Variants in MYT1L observed in about 807,000 individuals in gnomAD.
MYT1L encodes the protein myelin transcription factor 1 like, also known as myelin transcription factor 1-like protein.
Under a neutral mutation model 126.7 loss-of-function variants are expected in MYT1L, and 12 were observed. The ratio of observed to expected loss-of-function variants is 0.09; its 90% CI spans 0.06 to 0.15. The LOEUF (loss-of-function observed/expected upper bound fraction) is 0.15. MYT1L is among the 10% of genes least tolerant of loss of function. The probability of loss-of-function intolerance (pLI) is 1.00; values close to 1 mark genes in which losing one functional copy is unlikely to be tolerated. For synonymous variants in MYT1L, 541 were observed against 604.2 expected (o/e 0.90, Z 1.53); for missense variants, 979 against 1,585.2 (o/e 0.62, Z 6.49).
intron 18 of MYT1L, among the ~76,000 whole-genome samples, chr2:1,880,350 CT>C (rs2047375785): frequency 6.6e-6 from 1 of 152,128 alleles, no homozygotes; most frequent in Non-Finnish European, 1.5e-5. Flanking sequence ...TTTATTTTTA[CT>C]TTTCGAGACA....
intron 3 of MYT1L, among the ~76,000 whole-genome samples, chr2:2,107,932 C>G (rs538636708): frequency 6.6e-6 from 1 of 152,108 alleles, no homozygotes; most frequent in Non-Finnish European, 1.5e-5. Context: ...CAGAACCCAA[C>G]GCTCAGCTCT....
At chr2:2,060,226 G>C (rs777463135) in intron 3 of MYT1L, among the ~76,000 whole-genome samples, 1 of 152,108 alleles carries the variant, frequency 6.6e-6, no homozygotes, top group Non-Finnish European at 1.5e-5. Context: ...AGGAACTTAG[G>C]CCATTTCCTC....
At chr2:2,004,731 C>A (rs182831002) in intron 4 of MYT1L, among the ~76,000 whole-genome samples, 2 of 146,744 alleles carry the variant, frequency 1.4e-5, no homozygotes, top group Admixed American at 6.7e-5. Flanking sequence ...TTCTTTCCTG[C>A]GTGCCTTCTT....
At chr2:2,265,549 C>T (rs11681765) in intron 2 of MYT1L, among the ~76,000 whole-genome samples, 18,277 of 152,070 alleles carry the variant, frequency 0.12, 1,245 homozygotes, top group Non-Finnish European at 0.16. Context: ...GGGGACCAGG[C>T]GGGCCTTCCT....
rs1573597325 is a variant in MYT1L, at chr2:1,922,396, C to T, written c.1373G>A (p.Arg458Lys). The change falls in exon 10 of 25, where the codon AGG becomes AAG. Residue 458 changes from arginine (R) to lysine (K), a missense_variant. Physicochemically the swap from Arg to Lys is conservative, Grantham distance 26. Around this residue, in one of 12 missense-constraint regions of MYT1L, gnomAD observed 67 missense variants for 80.3 expected, o/e 0.83. Coordinates refer to ENST00000647738, the MANE Select transcript of MYT1L (RefSeq NM_001303052.2). The surrounding 1 kb of genome is among the most constrained non-coding windows in gnomAD (Gnocchi z 7.4). Reference protein sequence around the residue: ...MREKMAMEAGRRDNMRSYEDQ... With the variant: ...MREKMAMEAGKRDNMRSYEDQ... ...CTCATATGACCTCATATTGTCCCTC[C>T]TCCCAGCTTCCATGGCCATCTTCTC... 6.2e-7 allele frequency: 1 copy of T among 1,614,008 alleles called. No homozygotes were observed. Among genetic ancestry groups the T allele is most frequent in the East Asian group, 2.2e-5 (1 of 44,868 alleles).
chr2:1,919,288 C>T (rs1380230406), intron 10 of MYT1L, among the ~76,000 whole-genome samples: 1 of 152,140 alleles, frequency 6.6e-6, no homozygotes, highest in Non-Finnish European at 1.5e-5. Flanking sequence ...ATGCTATTTG[C>T]CTTCACCGTT....
At position 1,889,981 on chromosome 2, in the gene MYT1L, T is replaced by C. The variant is rs1245766268; in HGVS notation, c.2284-504A>G. Among the ~76,000 whole-genome samples the C allele has an allele frequency of 1.3e-5, 2 of 152,050 alleles. No homozygotes were observed. Among genetic ancestry groups the C allele is most frequent in the African/African-American group, 2.4e-5 (1 of 41,384 alleles). Reference sequence around the variant, plus strand: ...AAATTCTCTTTTTTATTGATGCTAATAGTTCAAGAATTAGGGAGGAGGATA... The same window carrying C: ...AAATTCTCTTTTTTATTGATGCTAACAGTTCAAGAATTAGGGAGGAGGATA... On this transcript the variant is annotated intron_variant, in intron 15 of 24. Coordinates refer to ENST00000647738, the MANE Select transcript of MYT1L (RefSeq NM_001303052.2). This position sits in a 1 kb window ranked among gnomAD's most constrained non-coding sequence, Gnocchi z 4.1.
intron 2 of MYT1L, among the ~76,000 whole-genome samples, 152 bp downstream of exon 2, chr2:2,284,252 C>T (rs144589217): frequency 2.4e-4 from 36 of 152,232 alleles, no homozygotes; most frequent in African/African-American, 7.5e-4. Context: ...AACTGAAGCA[C>T]GTAAGCATTA....
At chr2:2,215,215 A>G (rs1179931840) in intron 2 of MYT1L, among the ~76,000 whole-genome samples, 1 of 152,240 alleles carries the variant, frequency 6.6e-6, no homozygotes, top group East Asian at 1.9e-4. Flanking sequence ...ATATTCATAC[A>G]TTACATGTAA....
intron 9 of MYT1L, among the ~76,000 whole-genome samples, chr2:1,928,141 C>G (rs552306756): frequency 6.6e-6 from 1 of 152,268 alleles, no homozygotes; most frequent in South Asian, 2.1e-4. Context: ...TTTGTAGAGA[C>G]AGAGTTTCAC....
intron 1 of MYT1L, among the ~76,000 whole-genome samples, chr2:2,311,190 C>A (rs777383488): frequency 6.6e-6 from 1 of 152,166 alleles, no homozygotes; most frequent in Non-Finnish European, 1.5e-5. Context: ...ATAACCAAGA[C>A]CACATAAGAG....
chr2:2,304,865 A>T (rs914743336), intron 1 of MYT1L, among the ~76,000 whole-genome samples: 1 of 152,192 alleles, frequency 6.6e-6, no homozygotes, highest in African/African-American at 2.4e-5. Context: ...GGAAGAAACG[A>T]TCACTAAGAA....
At chr2:2,033,164 C>T (rs1256224629) in intron 4 of MYT1L, among the ~76,000 whole-genome samples, 1 of 140,712 alleles carries the variant, frequency 7.1e-6, no homozygotes, top group Non-Finnish European at 1.5e-5. Flanking sequence ...TGGCCCAGAG[C>T]AGATTCTAGA....
Position 1,887,180 on chromosome 2 carries a change from A to C in MYT1L, c.2642+308T>G. 2.4e-6 allele frequency: 1 copy of C among 420,316 alleles called. No homozygotes were observed. The highest frequency in any genetic ancestry group is 4.2e-6 in the Non-Finnish European group (1 of 239,504). The allele number at this position is 420,316 out of a possible 1,614,324, so 26.0% of individuals were successfully genotyped here. A position where few individuals can be genotyped will look rare whatever the true frequency, so the allele number is the denominator to read the frequency against. ...AGTAAGTATGTTTAAAAAAAAAAAA[A>C]ACTTTTAAAAAAGTTTCATTGTTTC... On this transcript the variant is annotated intron_variant, in intron 17 of 24. Transcript: ENST00000647738. The surrounding 1 kb of genome is among the most constrained non-coding windows in gnomAD (Gnocchi z 4.8).
chr2:1,792,040 CT>C, intron 24 of MYT1L, 33 bp from the exon 25 acceptor site: 1 of 1,447,580 alleles, frequency 6.9e-7, no homozygotes, highest in Non-Finnish European at 9.3e-7. Flanking sequence ...TCATATACAA[CT>C]TTTATTTTCT....
At chr2:1,796,087 T>C (rs1398055729) in intron 23 of MYT1L, among the ~76,000 whole-genome samples, 3 of 152,210 alleles carry the variant, frequency 2.0e-5, no homozygotes, top group South Asian at 2.1e-4. Flanking sequence ...ATAAGAGCTA[T>C]TAAATTCCGA....
intron 21 of MYT1L, among the ~76,000 whole-genome samples, chr2:1,821,742 C>G (rs974594224): frequency 6.6e-6 from 1 of 152,174 alleles, no homozygotes; most frequent in African/African-American, 2.4e-5. Flanking sequence ...CCTGCTCTGT[C>G]TGGAGTGGCG....
At chr2:2,003,420 C>G (rs1247425895) in intron 4 of MYT1L, among the ~76,000 whole-genome samples, 1 of 152,172 alleles carries the variant, frequency 6.6e-6, no homozygotes, top group Non-Finnish European at 1.5e-5. Context: ...CACCGTCACC[C>G]TGGCCCATGG....
At chr2:1,968,285 C>CAG (rs10638570) in intron 8 of MYT1L, among the ~76,000 whole-genome samples, 71,204 of 152,016 alleles carry the variant, frequency 0.47, 18,955 homozygotes, top group African/African-American at 0.75. Context: ...CCTGGCTCCC[C>CAG]AGAGCGTCTG....
Sources: allele counts gnomAD v4.1 joint callset (sites outside exome capture counted in the v4.1 genomes callset), GRCh38; gene constraint gnomAD v4.1.1; regional missense constraint gnomAD v4.1.1; non-coding constraint Gnocchi (gnomAD v3.1); transcripts MANE v1.5; gene names NCBI Gene and HGNC (gene_info 2026-07-23, HGNC 2026-07-21).